Variants in RAP1GDS1 observed in about 807,000 individuals in gnomAD.
RAP1GDS1 encodes the protein Rap1 GTPase-GDP dissociation stimulator 1.
In RAP1GDS1, 35 loss-of-function variants were observed where a neutral mutation model predicts 71.1. The observed-to-expected ratio is 0.49, with a 90% CI of 0.38 to 0.65. The LOEUF (loss-of-function observed/expected upper bound fraction) is 0.65, where lower values mean the gene tolerates loss of function less well. Ranked by LOEUF, RAP1GDS1 falls within the 30% of genes least tolerant of loss-of-function variation. The pLI is 0.00. For synonymous variants in RAP1GDS1, 229 were observed against 243.1 expected, an observed-to-expected ratio of 0.94 and a Z score of 0.54; for missense variants, 663 against 706.1, an observed-to-expected ratio of 0.94 and a Z score of 0.69.
At chr4:98,424,268 C>G (rs535467059) in intron 12 of RAP1GDS1, among the ~76,000 whole-genome samples, 2 of 152,188 alleles carry the variant, frequency 1.3e-5, no homozygotes, top group African/African-American at 2.4e-5. Flanking sequence ...TCTTTTTGCT[C>G]TACTCCAAGA....
chr4:98,334,540 T>G (rs1186395855), intron 2 of RAP1GDS1, among the ~76,000 whole-genome samples: 2 of 152,158 alleles, frequency 1.3e-5, no homozygotes, highest in East Asian at 3.8e-4. Flanking sequence ...TGGTTTTTTG[T>G]TTTTCACCCC....
chr4:98,390,697 G>GA (rs1743482456), intron 5 of RAP1GDS1, among the ~76,000 whole-genome samples: 2 of 152,014 alleles, frequency 1.3e-5, no homozygotes, highest in African/African-American at 4.8e-5. Context: ...GTTCTTTTCT[G>GA]AAAATCACCC....
chr4:98,364,231 G>A (rs1739161214), intron 4 of RAP1GDS1, among the ~76,000 whole-genome samples: 5 of 152,106 alleles, frequency 3.3e-5, no homozygotes, highest in Admixed American at 3.3e-4. Flanking sequence ...GATGGAATAT[G>A]TAGATTCAGG....
chr4:98,366,245 G>A (rs1395290042), intron 4 of RAP1GDS1, among the ~76,000 whole-genome samples: 3 of 152,100 alleles, frequency 2.0e-5, no homozygotes, highest in Admixed American at 6.5e-5. Context: ...GAGATCTGAT[G>A]GTTATTATAA....
chr4:98,347,710 T>C lies in RAP1GDS1; in HGVS notation c.235+4449T>C, dbSNP rs1736506875. On this transcript the variant is annotated intron_variant, in intron 3 of 14. Transcript: ENST00000408927. ...CCTTTCCCCGAACCAAAATTTTCAGTTCTCCGAGTTCAAATTGCCTAGAGA... is the reference window on the plus strand; with the variant it reads ...CCTTTCCCCGAACCAAAATTTTCAGCTCTCCGAGTTCAAATTGCCTAGAGA... Among the ~76,000 whole-genome samples the C allele has an allele frequency of 3.3e-5, 5 of 152,288 alleles. No homozygotes were observed. The South Asian group carries it at 1.0e-3, about 32-fold the overall frequency.
At chr4:98,365,050 A>G (rs1739279831) in intron 4 of RAP1GDS1, among the ~76,000 whole-genome samples, 1 of 152,020 alleles carries the variant, frequency 6.6e-6, no homozygotes, top group South Asian at 2.1e-4. Context: ...ATGTATGTGA[A>G]TAAACATTCT....
At position 98,436,956 on chromosome 4, in the gene RAP1GDS1, T is replaced by C; in HGVS notation, c.1584T>C (p.Asp528=). Residue 528 remains aspartate (D), a synonymous_variant, in exon 14 of 15, where the codon GAT becomes GAC. Transcript: ENST00000408927. ...AALELGTAEK[D]LESAKLVQIL... is the part of the protein sequence containing the mutation. ...TATTTGTAGGCACTGCTGAGAAAGATCTAGAAAGTGCTAAACTTGTACAGA... is the reference window on the plus strand; with the variant it reads ...TATTTGTAGGCACTGCTGAGAAAGACCTAGAAAGTGCTAAACTTGTACAGA... 6.2e-7 allele frequency: 1 copy of C among 1,607,246 alleles called. No homozygotes were observed. The highest frequency in any genetic ancestry group is 8.5e-7 in the Non-Finnish European group (1 of 1,178,168).
Position 98,278,189 on chromosome 4 carries a change from G to C in RAP1GDS1, c.5-15219G>C, listed in dbSNP as rs542119257. On this transcript the variant is annotated intron_variant, in intron 1 of 14. Transcript: ENST00000408927. Reference sequence around the variant, plus strand: ...ATTCCAACCTGGGCGACAGAGCAAGGCTCCATCTCAAAAAAATAAAAAATG... The same window carrying C: ...ATTCCAACCTGGGCGACAGAGCAAGCCTCCATCTCAAAAAAATAAAAAATG... 4.6e-5 allele frequency among the ~76,000 whole-genome samples: 7 copies of C among 152,114 alleles called. No individual in the cohort carries two copies. In the East Asian group the frequency reaches 1.4e-3, roughly 29 times the overall value.
chr4:98,368,716 T>C (rs1739902303), intron 4 of RAP1GDS1, among the ~76,000 whole-genome samples: 1 of 152,166 alleles, frequency 6.6e-6, no homozygotes, highest in Admixed American at 6.5e-5. Flanking sequence ...ATTAGAAAAG[T>C]TATACATTTA....
At chr4:98,320,494 C>T (rs890381323) in intron 2 of RAP1GDS1, among the ~76,000 whole-genome samples, 19 of 152,202 alleles carry the variant, frequency 1.2e-4, no homozygotes, top group African/African-American at 3.6e-4. Context: ...GCGTGAGCAA[C>T]GCAGAAGACG....
chr4:98,402,362 A>G (rs1342630707), intron 6 of RAP1GDS1, among the ~76,000 whole-genome samples: 1 of 152,160 alleles, frequency 6.6e-6, no homozygotes, highest in East Asian at 1.9e-4. Flanking sequence ...ATGAGCCACC[A>G]TGCCCGGCCT....
chr4:98,409,116 A>G (rs554180136), intron 7 of RAP1GDS1, among the ~76,000 whole-genome samples: 2 of 152,290 alleles, frequency 1.3e-5, no homozygotes, highest in African/African-American at 4.8e-5. Context: ...AATTCAAAAG[A>G]ATCTATAGAT....
chr4:98,270,757 TTGCCTCTCC>T (rs2110230400), intron 1 of RAP1GDS1, among the ~76,000 whole-genome samples: 1 of 151,970 alleles, frequency 6.6e-6, no homozygotes, highest in East Asian at 1.9e-4. Context: ...ACCAAGTGAG[TTGCCTCTCC>T]TGCCTCCCCT....
At chr4:98,424,345 G>A (rs751471148) in intron 12 of RAP1GDS1, among the ~76,000 whole-genome samples, 9 of 152,048 alleles carry the variant, frequency 5.9e-5, no homozygotes, top group African/African-American at 1.2e-4. Flanking sequence ...ATTGGAAAAC[G>A]AATTGTCTTG....
intron 2 of RAP1GDS1, among the ~76,000 whole-genome samples, chr4:98,337,514 T>C (rs1734877600): frequency 6.6e-6 from 1 of 152,340 alleles, no homozygotes; most frequent in African/African-American, 2.4e-5. Context: ...TTATTTGTAA[T>C]ATGAAGAACA....
chr4:98,408,209 C>T (rs1746443653), intron 7 of RAP1GDS1, among the ~76,000 whole-genome samples: 1 of 151,998 alleles, frequency 6.6e-6, no homozygotes, highest in African/African-American at 2.4e-5. Context: ...GGGATGCAGC[C>T]TCCATCTCCG....
At position 98,421,355 on chromosome 4, in the gene RAP1GDS1, C is replaced by A. The variant is rs770485208; in HGVS notation, c.1401C>A (p.Asn467Lys). 4 of 1,609,372 alleles carry A rather than the reference C, an allele frequency of 2.5e-6. No homozygotes were observed. The highest frequency in any genetic ancestry group is 3.3e-5 in the Admixed American group (2 of 59,732). Reference protein sequence around the residue: ...KDHAGVMGESNRLLSALIRHS... With the variant: ...KDHAGVMGESKRLLSALIRHS... ...ATGCTGGTGTGATGGGGGAGTCAAA[C>A]AGACTGCTGTCTGCCCTTATACGAC... Residue 467 changes from asparagine (N) to lysine (K), a missense_variant, in exon 12 of 15, where the codon AAC becomes AAA. Transcript: ENST00000408927.
At chr4:98,348,169 AGT>A (rs1303419690) in intron 3 of RAP1GDS1, among the ~76,000 whole-genome samples, 1 of 150,714 alleles carries the variant, frequency 6.6e-6, no homozygotes, top group Non-Finnish European at 1.5e-5. Flanking sequence ...CCTATGTCCT[AGT>A]GTTCTCATTA....
intron 1 of RAP1GDS1, among the ~76,000 whole-genome samples, chr4:98,275,465 T>G (rs1039681249): frequency 2.2e-4 from 34 of 152,300 alleles, no homozygotes; most frequent in African/African-American, 6.3e-4. Flanking sequence ...CCAATAAAAT[T>G]TTATGGGCAC....
Sources: gnomAD v4.1 joint callset for allele counts (sites outside exome capture counted in the v4.1 genomes callset) on GRCh38, gnomAD v4.1.1 for gene constraint, MANE v1.5 for transcripts, NCBI Gene and HGNC (gene_info 2026-07-23, HGNC 2026-07-21) for gene names.